The following KLF12 variants were observed in gnomAD, a reference collection of about 807,000 sequenced individuals.
KLF12 encodes the protein KLF transcription factor 12.
KLF12 carries 9 observed loss-of-function variants against 37.8 expected under a neutral mutation model. That is an observed-to-expected ratio of 0.24 (90% CI 0.14 to 0.42). The LOEUF is 0.42. KLF12 is among the 10% of genes least tolerant of loss of function. The pLI is 1.00. For missense variants in KLF12, 411 were observed against 516.0 expected (o/e 0.80, Z 1.97); for synonymous variants, 208 against 202.1 (o/e 1.03, Z -0.25).
the KLF12 span, among the ~76,000 whole-genome samples, chr13:74,177,907 T>C: frequency 3.9e-5 from 6 of 152,306 alleles, no homozygotes; most frequent in African/African-American, 1.4e-4. Flanking sequence ...GAAGCTAATA[T>C]ATATAATACA....
chr13:74,103,904 G>GA (rs1876501989), intron 1 of KLF12, among the ~76,000 whole-genome samples: 1 of 152,170 alleles, frequency 6.6e-6, no homozygotes, highest in East Asian at 1.9e-4. Context: ...CAAATGATAA[G>GA]TTTTGTTAGA....
upstream of KLF12, among the ~76,000 whole-genome samples, chr13:74,134,816 C>T (rs1328841885): frequency 6.6e-6 from 1 of 151,828 alleles, no homozygotes; most frequent in Non-Finnish European, 1.5e-5. Context: ...AAGCGTGCAG[C>T]CCGCTTGGGC....
At chr13:73,930,137 C>T (rs1889596270) in intron 3 of KLF12, among the ~76,000 whole-genome samples, 1 of 152,138 alleles carries the variant, frequency 6.6e-6, no homozygotes, top group Admixed American at 6.5e-5. Context: ...GGTCTCTTAA[C>T]AATAGCAAGA....
chr13:73,899,925 C>T (rs965090101), intron 3 of KLF12, among the ~76,000 whole-genome samples: 1 of 152,112 alleles, frequency 6.6e-6, no homozygotes, highest in Non-Finnish European at 1.5e-5. Flanking sequence ...GAGCCAATTC[C>T]CCTAATAAAG....
chr13:74,072,543 G>C (rs980070699), intron 1 of KLF12, among the ~76,000 whole-genome samples: 4 of 151,600 alleles, frequency 2.6e-5, no homozygotes, highest in Admixed American at 6.6e-5. Context: ...TTCAAGACCA[G>C]CCAAAGCAAC....
At chr13:74,260,520 C>A in the KLF12 span, among the ~76,000 whole-genome samples, 64 of 149,982 alleles carry the variant, frequency 4.3e-4, 1 homozygote, top group East Asian at 0.012. Flanking sequence ...CCCCACTGCA[C>A]TCCAGCCTGG....
At chr13:73,937,869 T>G (rs1202055105) in intron 3 of KLF12, among the ~76,000 whole-genome samples, 1 of 152,122 alleles carries the variant, frequency 6.6e-6, no homozygotes, top group Non-Finnish European at 1.5e-5. Flanking sequence ...TACCTCTTCT[T>G]AAAATAGGAG....
intron 2 of KLF12, among the ~76,000 whole-genome samples, chr13:73,969,769 C>G (rs1891277416): frequency 6.6e-6 from 1 of 152,206 alleles, no homozygotes; most frequent in Admixed American, 6.5e-5. Flanking sequence ...AGTACTTTCA[C>G]AGCTCTCACT....
the KLF12 span, among the ~76,000 whole-genome samples, chr13:74,161,811 G>A: frequency 6.6e-6 from 1 of 152,064 alleles, no homozygotes; most frequent in Non-Finnish European, 1.5e-5. Context: ...TTTTCTTCTT[G>A]AATGCTCCAT....
At chr13:73,779,756 A>G (rs1206513256) in intron 5 of KLF12, among the ~76,000 whole-genome samples, 1 of 152,172 alleles carries the variant, frequency 6.6e-6, no homozygotes, top group Non-Finnish European at 1.5e-5. Context: ...AGAGCCCTTG[A>G]GCTGTGGCAT....
chr13:74,022,623 C>T (rs1013146030), intron 1 of KLF12, among the ~76,000 whole-genome samples: 5 of 148,100 alleles, frequency 3.4e-5, no homozygotes, highest in East Asian at 2.0e-4. Flanking sequence ...GGTTTTCCCA[C>T]AGAACATGCA....
At chr13:73,705,981 G>A (rs1460160029) in intron 7 of KLF12, among the ~76,000 whole-genome samples, 1 of 152,020 alleles carries the variant, frequency 6.6e-6, no homozygotes, top group East Asian at 1.9e-4. Context: ...GTGAAACCCC[G>A]TCTCTATTAA....
At chr13:74,135,535 GGGGTCAGCGCCGAGCCGGA>G (rs1341343608), upstream of KLF12, among the ~76,000 whole-genome samples, 2 of 151,610 alleles carry the variant, frequency 1.3e-5, no homozygotes, top group East Asian at 3.9e-4. Flanking sequence ...CGGAGGGCGC[GGGGTCAGCGCCGAGCCGGA>G]GGGTCGGCGG....
At chr13:74,170,788 G>A in the KLF12 span, among the ~76,000 whole-genome samples, 36 of 152,154 alleles carry the variant, frequency 2.4e-4, no homozygotes, top group African/African-American at 8.7e-4. Context: ...TTTTTGAGAC[G>A]GAGTCTCACT....
intron 1 of KLF12, among the ~76,000 whole-genome samples, chr13:74,034,364 C>T (rs893627178): frequency 4.6e-5 from 7 of 152,164 alleles, no homozygotes; most frequent in Admixed American, 6.5e-5. Context: ...CCACCACACC[C>T]GGCCCATTTA....
At chr13:73,915,291 T>A (rs558094347) in intron 3 of KLF12, among the ~76,000 whole-genome samples, 1 of 152,268 alleles carries the variant, frequency 6.6e-6, no homozygotes, top group South Asian at 2.1e-4. Flanking sequence ...CATAATTGCA[T>A]CTGAAAAATT....
Position 73,693,640 on chromosome 13 carries a change from G to A in KLF12, c.*1850C>T, listed in dbSNP as rs976462481. On this transcript the variant is annotated 3_prime_UTR_variant, in exon 8 of 8. Transcript: ENST00000377669. The stretch of plus-strand genomic sequence containing the variant: ...TCCTAAAAAGGGTAATTCTGTAACC[G>A]GAAATTATTTCAGAATGTCCAGACA... 1.3e-5 allele frequency: 2 copies of A among 152,500 alleles called. No homozygotes were observed. Among genetic ancestry groups the A allele is most frequent in the Non-Finnish European group, 2.9e-5 (2 of 68,022 alleles). 9.4% of individuals were successfully genotyped at this position (152,500 alleles called of 1,614,324 possible).
intron 5 of KLF12, among the ~76,000 whole-genome samples, chr13:73,766,402 C>T (rs9543450): frequency 0.73 from 110,840 of 152,086 alleles, 40,522 homozygotes; most frequent in South Asian, 0.84. Context: ...AGGGGGAAAA[C>T]GCAATAATAG....
rs1052356394 is a variant in KLF12 at position 73,690,694 on chromosome 13, C to T, written c.*4796G>A. 5.9e-5 allele frequency: 9 copies of T among 152,314 alleles called. No individual in the cohort carries two copies. The highest frequency in any genetic ancestry group is 4.6e-4 in the Admixed American group (7 of 15,262). 9.4% of individuals were successfully genotyped at this position (152,314 alleles called of 1,614,324 possible). On this transcript the variant is annotated 3_prime_UTR_variant, in exon 8 of 8. Coordinates refer to ENST00000377669, the MANE Select transcript of KLF12 (RefSeq NM_007249.5). ...TTTCACTCATTGTGTGTAAGATATACAAGGCATATCTGAACAAGTTTTTTC... is the reference window on the plus strand; with the variant it reads ...TTTCACTCATTGTGTGTAAGATATATAAGGCATATCTGAACAAGTTTTTTC...
Sources: gnomAD v4.1 joint callset for allele counts (sites outside exome capture counted in the v4.1 genomes callset) on GRCh38, gnomAD v4.1.1 for gene constraint, MANE v1.5 for transcripts, NCBI Gene and HGNC (gene_info 2026-07-23, HGNC 2026-07-21) for gene names.